Variants in DPP10 observed in about 807,000 individuals in gnomAD.
DPP10 encodes the protein inactive dipeptidyl peptidase 10.
A neutral mutation model predicts 120.9 loss-of-function variants in DPP10; 33 were observed. The observed-to-expected ratio is 0.27, with a 90% CI of 0.21 to 0.37. The LOEUF (loss-of-function observed/expected upper bound fraction) is 0.37. Ranked by LOEUF, DPP10 falls within the 10% of genes least tolerant of loss-of-function variation. The pLI is 1.00. For missense variants in DPP10, 816 were observed against 942.8 expected, an observed-to-expected ratio of 0.87 and a Z score of 1.76; for synonymous variants, 337 against 326.1, an observed-to-expected ratio of 1.03 and a Z score of -0.36.
At chr2:115,336,599 C>CTCTCTA (rs1217201736) in intron 2 of DPP10, among the ~76,000 whole-genome samples, 1 of 145,786 alleles carries the variant, frequency 6.9e-6, no homozygotes, top group Non-Finnish European at 1.5e-5. Context: ...CTCTCTCTCT[C>CTCTCTA]TATATATATA....
At chr2:115,821,043 ACT>A (rs1687768272) in intron 21 of DPP10, among the ~76,000 whole-genome samples, 1 of 152,184 alleles carries the variant, frequency 6.6e-6, no homozygotes, top group Non-Finnish European at 1.5e-5. Context: ...GAATCTCCAC[ACT>A]GTTTTCCGTA....
At position 115,202,616 on chromosome 2, in the gene DPP10, ACTTG is replaced by A. The variant is rs557977247; in HGVS notation, c.61-106619_61-106616del. Among the ~76,000 whole-genome samples, 904 of 152,258 alleles carry A rather than the reference ACTTG, an allele frequency of 5.9e-3. 5 individuals carry two copies. The highest frequency in any genetic ancestry group is 7.6e-3 in the African/African-American group (316 of 41,560). ...ACAAAATTGGATTCTGCATAGCTTT[ACTTG>A]CTTTTCATATTTCTCTATGTAATGG... is the stretch of plus-strand genomic sequence containing the variant. On this transcript the variant is annotated intron_variant, in intron 1 of 25. Transcript: ENST00000410059.
intron 3 of DPP10, among the ~76,000 whole-genome samples, chr2:115,419,308 G>A (rs1428615175): frequency 1.3e-5 from 2 of 152,130 alleles, no homozygotes; most frequent in Admixed American, 6.5e-5. Context: ...TCCTGGTTCC[G>A]CAGACTGTAC....
intron 3 of DPP10, among the ~76,000 whole-genome samples, chr2:115,459,531 T>C (rs1418373125): frequency 1.3e-5 from 2 of 152,084 alleles, no homozygotes; most frequent in South Asian, 2.1e-4. Context: ...ATGGCTATAA[T>C]TGATCTCAAT....
At chr2:114,556,702 G>A (rs1688341299) in intron 1 of DPP10, among the ~76,000 whole-genome samples, 1 of 152,104 alleles carries the variant, frequency 6.6e-6, no homozygotes, top group South Asian at 2.1e-4. Flanking sequence ...GAGGTTTGAA[G>A]ACTGAGTTCT....
chr2:115,511,725 C>T (rs1191954528), intron 4 of DPP10, among the ~76,000 whole-genome samples: 51 of 115,842 alleles, frequency 4.4e-4, no homozygotes, highest in African/African-American at 1.8e-3. Flanking sequence ...TCTTCTTCTT[C>T]TTCTTCTTTT....
chr2:115,354,072 A>T (rs918450665), intron 3 of DPP10, among the ~76,000 whole-genome samples: 1 of 152,198 alleles, frequency 6.6e-6, no homozygotes, highest in Non-Finnish European at 1.5e-5. Context: ...TTGATTTTAC[A>T]TGTAAAAAAA....
At chr2:114,648,854 C>T (rs774672074) in intron 1 of DPP10, among the ~76,000 whole-genome samples, 10 of 152,096 alleles carry the variant, frequency 6.6e-5, no homozygotes, top group Non-Finnish European at 1.3e-4. Flanking sequence ...AAGCCACTAT[C>T]CATTTAAGTA....
At chr2:114,516,509 C>T (rs1161700339) in intron 1 of DPP10, among the ~76,000 whole-genome samples, 1 of 152,140 alleles carries the variant, frequency 6.6e-6, no homozygotes, top group African/African-American at 2.4e-5. Flanking sequence ...AGTCTTTAGC[C>T]TTTGGACAGC....
At chr2:115,286,394 C>CT (rs1220972077) in intron 1 of DPP10, among the ~76,000 whole-genome samples, 17 of 144,580 alleles carry the variant, frequency 1.2e-4, no homozygotes, top group South Asian at 2.2e-4. Context: ...AGAGCCACAT[C>CT]TTTTTTTTTA....
At chr2:115,116,201 C>T (rs969773270) in intron 1 of DPP10, among the ~76,000 whole-genome samples, 3 of 152,110 alleles carry the variant, frequency 2.0e-5, no homozygotes, top group Non-Finnish European at 4.4e-5. Flanking sequence ...GATTTGAACA[C>T]AGATCTCTTG....
chr2:114,919,774 T>C (rs747721825), intron 1 of DPP10, among the ~76,000 whole-genome samples: 1 of 152,152 alleles, frequency 6.6e-6, no homozygotes, highest in Non-Finnish European at 1.5e-5. Flanking sequence ...GTAGTTCTCA[T>C]TTGATTTATT....
chr2:114,667,876 A>C (rs929710208), intron 1 of DPP10, among the ~76,000 whole-genome samples: 7 of 152,204 alleles, frequency 4.6e-5, no homozygotes, highest in Admixed American at 3.3e-4. Flanking sequence ...AATGTTCTAC[A>C]TGCTTGGACT....
rs2105218848 is a variant in DPP10 at position 114,599,727 on chromosome 2, TC to T, written c.60+156890del. On this transcript the variant is annotated intron_variant, in intron 1 of 25. Transcript: ENST00000410059. Reference sequence around the variant, plus strand: ...TGTATAAGTTTCACTGTATAAGAAATCATCACATGCCCAAGCCATGTAGATA... The same window carrying T: ...TGTATAAGTTTCACTGTATAAGAAATATCACATGCCCAAGCCATGTAGATA... Among the ~76,000 whole-genome samples the T allele has an allele frequency of 2.0e-5, 3 of 151,956 alleles. No individual in the cohort carries two copies. The East Asian group carries it at 5.8e-4, about 29-fold the overall frequency.
chr2:115,497,187 G>C (rs754591879), intron 3 of DPP10, among the ~76,000 whole-genome samples: 4 of 152,072 alleles, frequency 2.6e-5, no homozygotes, highest in African/African-American at 4.8e-5. Flanking sequence ...GAGAATTCAG[G>C]CCTCTTTCAT....
chr2:115,622,840 T>G (rs201642010), intron 5 of DPP10, among the ~76,000 whole-genome samples: 134 of 143,892 alleles, frequency 9.3e-4, no homozygotes, highest in South Asian at 4.2e-3. Flanking sequence ...TTTTTTTTTT[T>G]TTTTTTGTTT....
intron 3 of DPP10, among the ~76,000 whole-genome samples, chr2:115,412,152 G>A (rs1382857423): frequency 1.3e-5 from 2 of 152,114 alleles, no homozygotes; most frequent in Non-Finnish European, 2.9e-5. Context: ...TAATTGCTAA[G>A]CACACATAAT....
At chr2:115,162,451 C>A (rs1224043178) in intron 1 of DPP10, among the ~76,000 whole-genome samples, 1 of 152,176 alleles carries the variant, frequency 6.6e-6, no homozygotes, top group Non-Finnish European at 1.5e-5. Flanking sequence ...CCGGGGCGCT[C>A]GCTGGCCAAA....
At chr2:114,637,361 C>T (rs1295192723) in intron 1 of DPP10, among the ~76,000 whole-genome samples, 1 of 151,832 alleles carries the variant, frequency 6.6e-6, no homozygotes, top group African/African-American at 2.4e-5. Flanking sequence ...TCCTCCAATC[C>T]ACACAGGAAT....
Sources: allele counts gnomAD v4.1 joint callset (sites outside exome capture counted in the v4.1 genomes callset), GRCh38; gene constraint gnomAD v4.1.1; transcripts MANE v1.5; gene names NCBI Gene and HGNC (gene_info 2026-07-23, HGNC 2026-07-21).